INSIG2: variants seen among roughly 807,000 people sequenced by gnomAD.
INSIG2 encodes the protein insulin-induced gene 2 protein.
A neutral mutation model predicts 27.2 loss-of-function variants in INSIG2; 10 were observed. The ratio of observed to expected loss-of-function variants is 0.37; its 90% CI spans 0.23 to 0.62. The LOEUF is 0.62. INSIG2 is among the 20% of genes least tolerant of loss of function. INSIG2 has a pLI of 0.65. For missense variants in INSIG2, 178 were observed against 270.2 expected (o/e 0.66, Z 2.39); for synonymous variants, 97 against 95.8 (o/e 1.01, Z -0.07).
intron 2 of INSIG2, 49 bp from the exon 3 acceptor site, chr2:118,103,148 G>C: frequency 6.5e-7 from 1 of 1,539,054 alleles, no homozygotes; most frequent in Non-Finnish European, 8.8e-7. Flanking sequence ...CTTAAGTGTT[G>C]CCAGTACAAC....
intron 1 of INSIG2, among the ~76,000 whole-genome samples, chr2:118,093,938 T>TGAGGAGGAGGAG (rs1456422904): frequency 5.0e-5 from 1 of 20,082 alleles, no homozygotes; most frequent in African/African-American, 1.7e-4. Flanking sequence ...ATGATGATGA[T>TGAGGAGGAGGAG]GATGAGGAGG....
At chr2:118,094,299 A>T (rs373020722) in intron 1 of INSIG2, among the ~76,000 whole-genome samples, 1 of 140,284 alleles carries the variant, frequency 7.1e-6, no homozygotes, top group Non-Finnish European at 1.5e-5. Context: ...GAACCTTGCC[A>T]AAAGCAACCA....
chr2:118,093,941 TGAG>T (rs1331616893), intron 1 of INSIG2, among the ~76,000 whole-genome samples: 341 of 7,072 alleles, frequency 0.048, 106 homozygotes, highest in African/African-American at 0.14. Flanking sequence ...ATGATGATGA[TGAG>T]GAGGAGGAGG....
At chr2:118,103,966 T>C (rs887137888) in intron 3 of INSIG2, among the ~76,000 whole-genome samples, 3 of 152,204 alleles carry the variant, frequency 2.0e-5, no homozygotes, top group African/African-American at 4.8e-5. Flanking sequence ...CTTTCTACCT[T>C]CTCTGCCCAG....
At chr2:118,105,940 A>C (rs959796645) in intron 3 of INSIG2, among the ~76,000 whole-genome samples, 2 of 152,200 alleles carry the variant, frequency 1.3e-5, no homozygotes, top group African/African-American at 4.8e-5. Flanking sequence ...AGAGATGAGA[A>C]AACTGAATTT....
intron 2 of INSIG2, among the ~76,000 whole-genome samples, chr2:118,102,034 C>T (rs1261850419): frequency 6.6e-6 from 1 of 152,174 alleles, no homozygotes; most frequent in Admixed American, 6.5e-5. Flanking sequence ...AATGCATTGC[C>T]TGTGAGATAC....
intron 5 of INSIG2, among the ~76,000 whole-genome samples, chr2:118,107,591 T>C (rs1678705270): frequency 6.6e-6 from 1 of 152,146 alleles, no homozygotes; most frequent in Non-Finnish European, 1.5e-5. Context: ...ATCATTTTAG[T>C]GATGAAGGAA....
At position 118,092,303 on chromosome 2, in the gene INSIG2, TGTTA is replaced by T. The variant is rs1386202400; in HGVS notation, c.-139+3766_-139+3769del. ...AGTCAACTAATGTTCTTATACAGAGTGTTAGTTTGCTATTTTTTCTTTTTACTTT... is the reference window on the plus strand; with the variant it reads ...AGTCAACTAATGTTCTTATACAGAGTGTTTGCTATTTTTTCTTTTTACTTT... On this transcript the variant is annotated intron_variant, in intron 1 of 5. Coordinates refer to ENST00000245787, the MANE Select transcript of INSIG2 (RefSeq NM_016133.4). Among the ~76,000 whole-genome samples the T allele has an allele frequency of 2.6e-5, 4 of 152,092 alleles. No homozygotes were observed. In the East Asian group the frequency reaches 5.8e-4, roughly 22 times the overall value.
In INSIG2 at chr2:118,103,297, T is replaced by C. The variant is rs35551800; in HGVS notation, c.345T>C (p.Phe115=). 4.7e-3 allele frequency: 7,518 copies of C among 1,613,400 alleles called. 34 individuals carry two copies. Among genetic ancestry groups the C allele is most frequent in the Middle Eastern group, 0.036 (219 of 6,058 alleles). The change falls in exon 3 of 6, where the codon TTT becomes TTC. Residue 115 remains phenylalanine, a synonymous_variant. Coordinates refer to ENST00000245787, the MANE Select transcript of INSIG2 (RefSeq NM_016133.4). ...WSSVMRCVAV[F]VGINHASAKV... is the part of the protein sequence containing the mutation. ...GTGTAATGCGGTGTGTAGCAGTCTTTGTTGGTATAAATCATGCCAGTGCTG... is the reference window on the plus strand; with the variant it reads ...GTGTAATGCGGTGTGTAGCAGTCTTCGTTGGTATAAATCATGCCAGTGCTG...
At position 118,108,337 on chromosome 2, in the gene INSIG2, A is replaced by G; in HGVS notation, c.*15A>G. On this transcript the variant is annotated 3_prime_UTR_variant, in exon 6 of 6. Transcript: ENST00000245787. The stretch of plus-strand genomic sequence containing the variant: ...ATCAGGAATGAAGAAGGCAAAAAAT[A>G]TCTTTTGTACAGAAAAGCAAGATGA... 1 of 1,586,806 alleles carries G rather than the reference A, an allele frequency of 6.3e-7. No individual in the cohort carries two copies. Among genetic ancestry groups the G allele is most frequent in the Non-Finnish European group, 8.6e-7 (1 of 1,160,774 alleles).
In INSIG2 at chr2:118,106,864, C is replaced by T. The variant is rs746718152; in HGVS notation, c.497C>T (p.Thr166Ile). 2.5e-5 allele frequency: 41 copies of T among 1,613,978 alleles called. No individual in the cohort carries two copies. The highest frequency in any genetic ancestry group is 3.2e-5 in the Non-Finnish European group (38 of 1,179,960). Residue 166 changes from threonine (T) to isoleucine (I), a missense_variant, in exon 4 of 6, where the codon ACT (threonine) becomes ATT (isoleucine). Transcript: ENST00000245787. ...GLGVGIAFLA[T>I]VVTQLLVYNG... Reference sequence around the variant, plus strand: ...GGAGTAGGAATTGCCTTCTTGGCAACTGTGGTCACTCAACTGCTAGTATAT... The same window carrying T: ...GGAGTAGGAATTGCCTTCTTGGCAATTGTGGTCACTCAACTGCTAGTATAT...
At chr2:118,095,410 C>T (rs1323507668) in intron 1 of INSIG2, among the ~76,000 whole-genome samples, 5 of 152,160 alleles carry the variant, frequency 3.3e-5, no homozygotes, top group African/African-American at 7.2e-5. Flanking sequence ...GAGATGTGAA[C>T]TAGGTCAAGT....
At chr2:118,089,225 A>C (rs547882693) in intron 1 of INSIG2, among the ~76,000 whole-genome samples, 5 of 152,204 alleles carry the variant, frequency 3.3e-5, no homozygotes, top group Non-Finnish European at 7.3e-5. Context: ...GCTAACACTT[A>C]AGTGATAATG....
In INSIG2 at chr2:118,096,532, AACGG is replaced by A; in HGVS notation, c.-24_-21del. ...GAAGCCTTTCCATTTTTTTTTTTTT[AACGG>A]CTTTCTGAACCTATGAAACCATGGC... On this transcript the variant is annotated 5_prime_UTR_variant, in exon 2 of 6. Transcript: ENST00000245787. 1 of 1,539,492 alleles carries A rather than the reference AACGG, an allele frequency of 6.5e-7. No individual in the cohort carries two copies. The highest frequency in any genetic ancestry group is 2.2e-5 in the Admixed American group (1 of 45,528).
rs566500343 is a variant in INSIG2 at position 118,102,174 on chromosome 2, A to G, written c.245-1023A>G. ...CATGCTTTTCAACTGATGTGACAGT[A>G]GTGTCTTTATTGCCAGAATGGCACA... On this transcript the variant is annotated intron_variant, in intron 2 of 5. Coordinates refer to ENST00000245787, the MANE Select transcript of INSIG2 (RefSeq NM_016133.4). Among the ~76,000 whole-genome samples the G allele has an allele frequency of 3.9e-5, 6 of 152,354 alleles. No homozygotes were observed. In the South Asian group the frequency reaches 1.2e-3, roughly 32 times the overall value.
At chr2:118,090,960 G>T (rs577507224) in intron 1 of INSIG2, among the ~76,000 whole-genome samples, 4 of 152,198 alleles carry the variant, frequency 2.6e-5, no homozygotes, top group African/African-American at 9.6e-5. Flanking sequence ...TTGACATATT[G>T]TCCTTTAAAC....
At chr2:118,101,808 C>T (rs192449329) in intron 2 of INSIG2, among the ~76,000 whole-genome samples, 10 of 152,140 alleles carry the variant, frequency 6.6e-5, no homozygotes, top group East Asian at 1.9e-4. Flanking sequence ...TCTGCATTGC[C>T]GAGATATGTT....
chr2:118,100,373 CTTTTTTTTTTTT>C (rs70949913), intron 2 of INSIG2, among the ~76,000 whole-genome samples: 2 of 81,502 alleles, frequency 2.5e-5, no homozygotes, highest in South Asian at 1.1e-3. Flanking sequence ...ACTCTTTTGC[CTTTTTTTTTTTT>C]TTTTTTTTTT....
intron 1 of INSIG2, among the ~76,000 whole-genome samples, chr2:118,093,941 T>TGAG (rs1331616893): frequency 0.16 from 1,126 of 7,050 alleles, 340 homozygotes; most frequent in Non-Finnish European, 0.23. Context: ...ATGATGATGA[T>TGAG]GAGGAGGAGG....
Sources: allele counts gnomAD v4.1 joint callset (sites outside exome capture counted in the v4.1 genomes callset), GRCh38; gene constraint gnomAD v4.1.1; transcripts MANE v1.5; gene names NCBI Gene and HGNC (gene_info 2026-07-23, HGNC 2026-07-21).